The following GULP1 variants were observed in gnomAD, a reference collection of about 807,000 sequenced individuals.
GULP1 encodes the protein PTB domain-containing engulfment adapter protein 1.
In GULP1, 19 loss-of-function variants were observed where a neutral mutation model predicts 40.9. The observed-to-expected ratio is 0.46, with a 90% CI of 0.32 to 0.68. The LOEUF (loss-of-function observed/expected upper bound fraction) is 0.68. Ranked by LOEUF, GULP1 falls within the 30% of genes least tolerant of loss-of-function variation. The probability of loss-of-function intolerance (pLI) is 0.03; values close to 1 mark genes in which losing one functional copy is unlikely to be tolerated. For synonymous variants in GULP1, 119 were observed against 117.6 expected, an observed-to-expected ratio of 1.01 and a Z score of -0.08; for missense variants, 312 against 362.2, an observed-to-expected ratio of 0.86 and a Z score of 1.12.
chr2:188,361,665 T>C (rs1040000328), intron 1 of GULP1, among the ~76,000 whole-genome samples: 2 of 152,066 alleles, frequency 1.3e-5, no homozygotes, highest in African/African-American at 4.8e-5. Flanking sequence ...TAATTCTGTT[T>C]GGCAGATTAA....
At chr2:188,328,112 G>T (rs149788016) in intron 1 of GULP1, among the ~76,000 whole-genome samples, 503 of 152,186 alleles carry the variant, frequency 3.3e-3, no homozygotes, top group Non-Finnish European at 5.0e-3. Flanking sequence ...TCTAGAATTG[G>T]AGAGCAATCA....
chr2:188,538,125 C>CAA (rs1689424094), intron 6 of GULP1, among the ~76,000 whole-genome samples: 2 of 152,052 alleles, frequency 1.3e-5, no homozygotes, highest in South Asian at 4.2e-4. Flanking sequence ...TTGATCCTTC[C>CAA]AAAGAACTAA....
At chr2:188,328,652 C>T (rs1400720013) in intron 1 of GULP1, among the ~76,000 whole-genome samples, 1 of 152,034 alleles carries the variant, frequency 6.6e-6, no homozygotes, top group African/African-American at 2.4e-5. Flanking sequence ...GAAGCTGTAA[C>T]AGAATAAGTA....
In GULP1 at chr2:188,456,546, C is replaced by T. The variant is rs567935230; in HGVS notation, c.-44-21113C>T. Among the ~76,000 whole-genome samples, 45 of 152,296 alleles carry T rather than the reference C, an allele frequency of 3.0e-4. No individual in the cohort carries two copies. The South Asian group carries it at 8.1e-3, about 27-fold the overall frequency. On this transcript the variant is annotated intron_variant, in intron 2 of 11. Transcript: ENST00000409830. ...AGAATTCAAGTTTGGGAATCTCTGC[C>T]TAGATTTTTAGAAGATGTATAGGAA...
intron 1 of GULP1, among the ~76,000 whole-genome samples, chr2:188,373,865 A>C (rs1255808541): frequency 1.3e-5 from 2 of 152,030 alleles, no homozygotes; most frequent in East Asian, 3.8e-4. Context: ...TAAATTAGGA[A>C]GTGCTCAATA....
chr2:188,461,143 G>A (rs1415258258), intron 2 of GULP1, among the ~76,000 whole-genome samples: 1 of 151,922 alleles, frequency 6.6e-6, no homozygotes, highest in Admixed American at 6.6e-5. Flanking sequence ...TCTTTGTCTG[G>A]TTTTGTTATC....
At position 188,564,024 on chromosome 2, in the gene GULP1, G is replaced by A. The variant is rs570879022; in HGVS notation, c.400-5215G>A. 2.2e-4 allele frequency among the ~76,000 whole-genome samples: 33 copies of A among 152,022 alleles called. No homozygotes were observed. The South Asian group carries it at 5.0e-3, about 23-fold the overall frequency. On this transcript the variant is annotated intron_variant, in intron 7 of 11. Transcript: ENST00000409830. Reference sequence around the variant, plus strand: ...AACATCTTAACAGAATAATAACACAGTAGTTTCAGCAAGTACAGAAAAGCC... The same window carrying A: ...AACATCTTAACAGAATAATAACACAATAGTTTCAGCAAGTACAGAAAAGCC...
At position 188,480,774 on chromosome 2, in the gene GULP1, CAT is replaced by C. The variant is rs776773952; in HGVS notation, c.29-2656_29-2655del. On this transcript the variant is annotated intron_variant, in intron 3 of 11. Transcript: ENST00000409830. The stretch of plus-strand genomic sequence containing the variant: ...ATTAAGTAAAAAAGTATAAAAATAA[CAT>C]GTGAATAAATGATTAAGTAATTCAA... Among the ~76,000 whole-genome samples the C allele has an allele frequency of 2.6e-4, 40 of 151,518 alleles. 1 individual carries two copies. Among genetic ancestry groups the C allele is most frequent in the African/African-American group, 7.0e-4 (29 of 41,336 alleles).
At chr2:188,462,495 A>G (rs2059789759) in intron 2 of GULP1, among the ~76,000 whole-genome samples, 1 of 152,118 alleles carries the variant, frequency 6.6e-6, no homozygotes, top group Non-Finnish European at 1.5e-5. Context: ...TCTGGAAGAT[A>G]TTTCCAGTGC....
In GULP1 at chr2:188,477,691, C is replaced by A; in HGVS notation, c.-12C>A. 6.3e-7 allele frequency: 1 copy of A among 1,592,970 alleles called. No individual in the cohort carries two copies. Among genetic ancestry groups the A allele is most frequent in the Non-Finnish European group, 8.5e-7 (1 of 1,170,072 alleles). Reference sequence around the variant, plus strand: ...GTCGTGGAACTGAACATTTATTTGGCTGATCCTCATCATGAACCGTGCTTT... The same window carrying A: ...GTCGTGGAACTGAACATTTATTTGGATGATCCTCATCATGAACCGTGCTTT... On this transcript the variant is annotated 5_prime_UTR_variant, in exon 3 of 12. The change creates a new upstream start codon in the 5' untranslated region. Coordinates refer to ENST00000409830, the MANE Select transcript of GULP1 (RefSeq NM_016315.4).
At chr2:188,567,219 G>T (rs1300442199) in intron 7 of GULP1, among the ~76,000 whole-genome samples, 1 of 152,158 alleles carries the variant, frequency 6.6e-6, no homozygotes, top group Non-Finnish European at 1.5e-5. Context: ...GGAAGACAGT[G>T]TGGCGATTCC....
At chr2:188,308,351 T>C (rs1471303193) in intron 1 of GULP1, among the ~76,000 whole-genome samples, 2 of 152,168 alleles carry the variant, frequency 1.3e-5, no homozygotes, top group African/African-American at 4.8e-5. Context: ...AAAGTAATTA[T>C]CACAGAAAAA....
At chr2:188,300,244 G>A (rs1257414278) in intron 1 of GULP1, among the ~76,000 whole-genome samples, 1 of 151,936 alleles carries the variant, frequency 6.6e-6, no homozygotes, top group Admixed American at 6.6e-5. Flanking sequence ...TTATGATTTG[G>A]CTCTGCATCT....
intron 4 of GULP1, among the ~76,000 whole-genome samples, chr2:188,484,368 G>T (rs888533996): frequency 2.0e-5 from 3 of 152,100 alleles, no homozygotes; most frequent in South Asian, 2.1e-4. Flanking sequence ...TTAAAACAGA[G>T]ACTTTAAAGA....
At chr2:188,441,460 G>T (rs1164899532) in intron 2 of GULP1, among the ~76,000 whole-genome samples, 3 of 152,166 alleles carry the variant, frequency 2.0e-5, no homozygotes, top group Admixed American at 6.5e-5. Flanking sequence ...TCTAAATCCA[G>T]CAGTGTTCCT....
chr2:188,570,031 C>G lies in GULP1; in HGVS notation c.520C>G (p.Gln174Glu), dbSNP rs771796407. Residue 174 changes from glutamine (Q) to glutamate (E), a missense_variant, in exon 9 of 12, where the codon CAA (glutamine) becomes GAA (glutamate). Coordinates refer to ENST00000409830, the MANE Select transcript of GULP1 (RefSeq NM_016315.4). ...TCAATAATGATTTTCTTTTTAGATC[C>G]AAGACTTAGAAACAGAAAATATGGA... ...KQIAGLQKRI[Q>E]DLETENMELK... is the part of the protein sequence containing the mutation. The G allele has an allele frequency of 8.2e-7, 1 of 1,212,174 alleles. No individual in the cohort carries two copies. The highest frequency in any genetic ancestry group is 1.2e-6 in the Non-Finnish European group (1 of 842,836). 75.1% of individuals were successfully genotyped at this position (1,212,174 alleles called of 1,614,324 possible).
chr2:188,481,085 CAG>C (rs2061412494), intron 3 of GULP1, among the ~76,000 whole-genome samples: 1 of 151,932 alleles, frequency 6.6e-6, no homozygotes, highest in Non-Finnish European at 1.5e-5. Flanking sequence ...ACCCAGCAAT[CAG>C]AGTACATTGA....
Position 188,414,183 on chromosome 2 carries a change from C to T in GULP1, c.-45+30294C>T, listed in dbSNP as rs1282512334. Among the ~76,000 whole-genome samples, 3 of 144,156 alleles carry T rather than the reference C, an allele frequency of 2.1e-5. No homozygotes were observed. The Admixed American group carries it at 2.2e-4, about 10-fold the overall frequency. The allele number at this position is 144,156 out of a possible 152,430, so 94.6% of individuals were successfully genotyped here. ...AGTGCGCTAAGATCACGCCACTGCACTCCAGCCTGAGTGACAGAGCGAGAC... is the reference window on the plus strand; with the variant it reads ...AGTGCGCTAAGATCACGCCACTGCATTCCAGCCTGAGTGACAGAGCGAGAC... On this transcript the variant is annotated intron_variant, in intron 2 of 11. Coordinates refer to ENST00000409830, the MANE Select transcript of GULP1 (RefSeq NM_016315.4).
In GULP1 at chr2:188,514,040, A is replaced by AGTGTGTGTGTGTGTGTGTGT. The variant is rs1164481151; in HGVS notation, c.91-8692_91-8673dup. 9.1e-3 allele frequency among the ~76,000 whole-genome samples: 1,120 copies of AGTGTGTGTGTGTGTGTGTGT among 123,046 alleles called. 39 individuals carry two copies. The highest frequency in any genetic ancestry group is 0.015 in the East Asian group (53 of 3,508). The allele number at this position is 123,046 out of a possible 152,430, so 80.7% of individuals were successfully genotyped here. On this transcript the variant is annotated intron_variant, in intron 4 of 11. Transcript: ENST00000409830. ...GATCTGTCTAAATGGTCCCCTTCTG[A>AGTGTGTGTGTGTGTGTGTGT]GTGTGTGTGTGTGTGTGTGTGTGTG...
Sources: allele counts gnomAD v4.1 joint callset (sites outside exome capture counted in the v4.1 genomes callset), GRCh38; gene constraint gnomAD v4.1.1; transcripts MANE v1.5; gene names NCBI Gene and HGNC (gene_info 2026-07-23, HGNC 2026-07-21).